NPFFR2: variants seen among roughly 807,000 people sequenced by gnomAD.
The protein encoded by NPFFR2 is neuropeptide FF receptor 2, also known as G-protein coupled receptor 74.
In NPFFR2, 15 loss-of-function variants were observed where a neutral mutation model predicts 13.1. That is an observed-to-expected ratio of 1.15 (90% confidence interval 0.77 to 1.76). NPFFR2 has a LOEUF of 1.76. Ranked by LOEUF, NPFFR2 falls within the 40% of genes most tolerant of loss-of-function variation. The probability of loss-of-function intolerance (pLI) is 0.00; values close to 1 mark genes in which losing one functional copy is unlikely to be tolerated. For missense variants in NPFFR2, 572 were observed against 503.5 expected (o/e 1.14, Z -1.30); for synonymous variants, 190 against 175.7 (o/e 1.08, Z -0.65).
At chr4:72,143,124 G>T (rs1487653333) in intron 3 of NPFFR2, among the ~76,000 whole-genome samples, 1 of 152,164 alleles carries the variant, frequency 6.6e-6, no homozygotes, top group African/African-American at 2.4e-5. Flanking sequence ...TATACTTATG[G>T]CATTGAAATA....
chr4:72,109,996 T>C (rs1721520614), intron 1 of NPFFR2, among the ~76,000 whole-genome samples: 1 of 152,018 alleles, frequency 6.6e-6, no homozygotes, highest in African/African-American at 2.4e-5. Flanking sequence ...AAAAGTCTGC[T>C]GAGGGCTTTA....
chr4:72,036,048 T>C (rs1719030491), intron 1 of NPFFR2, among the ~76,000 whole-genome samples: 2 of 152,166 alleles, frequency 1.3e-5, no homozygotes, highest in South Asian at 4.1e-4. Context: ...AATAAATCTT[T>C]CCCAAAGCCA....
chr4:72,065,885 C>T (rs1720055847), intron 1 of NPFFR2, among the ~76,000 whole-genome samples: 1 of 152,128 alleles, frequency 6.6e-6, no homozygotes, highest in Admixed American at 6.6e-5. Flanking sequence ...TCAGCTTATC[C>T]ACTTCCCTGA....
intron 1 of NPFFR2, among the ~76,000 whole-genome samples, chr4:72,102,686 C>A (rs533082209): frequency 1.3e-5 from 2 of 151,996 alleles, no homozygotes; most frequent in South Asian, 4.2e-4. Flanking sequence ...TCATCCATGT[C>A]CCTACAAAGG....
chr4:72,058,956 A>G (rs1719840825), intron 1 of NPFFR2, among the ~76,000 whole-genome samples: 1 of 152,154 alleles, frequency 6.6e-6, no homozygotes, highest in African/African-American at 2.4e-5. Flanking sequence ...ACATAAGCCA[A>G]ATAAGCCTAT....
intron 1 of NPFFR2, among the ~76,000 whole-genome samples, chr4:72,124,485 G>T (rs573006118): frequency 1.1e-4 from 17 of 149,882 alleles, no homozygotes; most frequent in Non-Finnish European, 1.5e-5. Flanking sequence ...CAGGCTACCT[G>T]ACTTCAAACT....
intron 3 of NPFFR2, among the ~76,000 whole-genome samples, chr4:72,141,128 G>C (rs190756980): frequency 2.0e-5 from 3 of 151,252 alleles, no homozygotes; most frequent in Middle Eastern, 3.4e-3. Context: ...TTTTTATTGC[G>C]TCTATTTGAT....
At chr4:72,046,008 T>G (rs12696717) in intron 1 of NPFFR2, among the ~76,000 whole-genome samples, 132,652 of 152,084 alleles carry the variant, frequency 0.87, 59,379 homozygotes, top group Non-Finnish European at 0.98. Context: ...GCAGTATTAT[T>G]TATAATAAAA....
intron 1 of NPFFR2, among the ~76,000 whole-genome samples, chr4:72,083,517 A>G (rs1159169841): frequency 5.2e-3 from 1 of 192 alleles, no homozygotes; most frequent in African/African-American, 0.018. Flanking sequence ...CCTTTTTGAA[A>G]TAACTTTATT....
intron 1 of NPFFR2, among the ~76,000 whole-genome samples, chr4:72,114,067 T>C (rs1352737961): frequency 6.6e-6 from 1 of 152,124 alleles, no homozygotes; most frequent in Non-Finnish European, 1.5e-5. Context: ...GCTTCAGTTA[T>C]CATGTTGACA....
chr4:72,066,948 C>T (rs1720088479), intron 1 of NPFFR2, among the ~76,000 whole-genome samples: 1 of 152,106 alleles, frequency 6.6e-6, no homozygotes, highest in Non-Finnish European at 1.5e-5. Context: ...TCCCATGGCT[C>T]CATTAAGAAT....
Position 72,128,570 on chromosome 4 carries a change from C to T in NPFFR2, c.-7-15C>T, listed in dbSNP as rs759418089. The T allele has an allele frequency of 5.9e-6, 9 of 1,515,038 alleles. No individual in the cohort carries two copies. In the African/African-American group the frequency reaches 7.0e-5, roughly 12 times the overall value. The allele number at this position is 1,515,038 out of a possible 1,614,324, so 93.8% of individuals were successfully genotyped here. ...TCCTAATTATGTTTTTCTTTTCTGT[C>T]TCTTCTTTATTAAGGTTCATCATGA... On this transcript the variant is annotated splice_polypyrimidine_tract_variant and intron_variant, in intron 1 of 3. Coordinates refer to ENST00000308744, the MANE Select transcript of NPFFR2 (RefSeq NM_004885.3).
At chr4:72,069,755 C>G (rs1025345686) in intron 1 of NPFFR2, among the ~76,000 whole-genome samples, 2 of 151,962 alleles carry the variant, frequency 1.3e-5, no homozygotes, top group African/African-American at 4.8e-5. Flanking sequence ...AGGAAATTCA[C>G]AGTAAAGTAA....
At position 72,032,207 on chromosome 4, in the gene NPFFR2, G is replaced by A; in HGVS notation, c.-8+7G>A. ...ACAGGGCTCGCCGGGAGAGGTAACA[G>A]CATGGGCCAGTTTGTCTGGGGGCCC... On this transcript the variant is annotated splice_region_variant and intron_variant, in intron 1 of 3. Transcript: ENST00000308744. 6.3e-7 allele frequency: 1 copy of A among 1,596,654 alleles called. No individual in the cohort carries two copies. The highest frequency in any genetic ancestry group is 1.3e-5 in the African/African-American group (1 of 74,802).
intron 1 of NPFFR2, among the ~76,000 whole-genome samples, chr4:72,121,606 TAAAG>T (rs1160713615): frequency 6.6e-6 from 1 of 152,150 alleles, no homozygotes; most frequent in African/African-American, 2.4e-5. Flanking sequence ...TCAACATTCT[TAAAG>T]AAAAGAATTT....
At chr4:72,137,169 C>G (rs892082636) in intron 2 of NPFFR2, among the ~76,000 whole-genome samples, 12 of 152,006 alleles carry the variant, frequency 7.9e-5, no homozygotes, top group African/African-American at 2.7e-4. Context: ...AAAAGATATA[C>G]TTGAATTATT....
intron 1 of NPFFR2, among the ~76,000 whole-genome samples, chr4:72,083,941 TTC>T (rs78026134): frequency 0.053 from 8,008 of 152,146 alleles, 765 homozygotes; most frequent in East Asian, 0.47. Flanking sequence ...CTCTCTTCCT[TTC>T]TACTCAAGTC....
intron 1 of NPFFR2, among the ~76,000 whole-genome samples, chr4:72,036,529 T>C (rs1013410246): frequency 4.1e-5 from 6 of 145,208 alleles, no homozygotes; most frequent in Non-Finnish European, 6.0e-5. Flanking sequence ...ATAATGTATA[T>C]ATACATTTAA....
At chr4:72,035,426 A>T (rs1203727652) in intron 1 of NPFFR2, among the ~76,000 whole-genome samples, 1 of 152,236 alleles carries the variant, frequency 6.6e-6, no homozygotes, top group Non-Finnish European at 1.5e-5. Flanking sequence ...TATTCACCAG[A>T]GACCAGGAAA....
Sources: allele counts gnomAD v4.1 joint callset (sites outside exome capture counted in the v4.1 genomes callset), GRCh38; gene constraint gnomAD v4.1.1; transcripts MANE v1.5; gene names NCBI Gene and HGNC (gene_info 2026-07-23, HGNC 2026-07-21).